The following CACNB2 variants were observed in gnomAD, a reference collection of about 807,000 sequenced individuals.
CACNB2 encodes voltage-dependent L-type calcium channel subunit beta-2.
A neutral mutation model predicts 73.3 loss-of-function variants in CACNB2; 42 were observed. The observed-to-expected ratio is 0.57, with a 90% CI of 0.45 to 0.74. The LOEUF (loss-of-function observed/expected upper bound fraction) is 0.74. Among genes scored for constraint, CACNB2 ranks in the 30% least tolerant of loss-of-function variants. The pLI, the probability that CACNB2 is intolerant of heterozygous loss-of-function variation, is 0.00. For synonymous variants in CACNB2, 348 were observed against 310.3 expected (o/e 1.12, Z -1.28); for missense variants, 940 against 853.0 (o/e 1.10, Z -1.27).
chr10:18,412,442 A>G (rs1465774769), intron 3 of CACNB2, among the ~76,000 whole-genome samples: 1 of 151,888 alleles, frequency 6.6e-6, no homozygotes, highest in Non-Finnish European at 1.5e-5. Flanking sequence ...TGCCAACCTT[A>G]TCACCCCAGG....
chr10:18,449,543 C>T (rs1000005939), intron 3 of CACNB2, among the ~76,000 whole-genome samples: 7 of 152,206 alleles, frequency 4.6e-5, no homozygotes, highest in Non-Finnish European at 7.3e-5. Context: ...TAGATACTTA[C>T]ATCGTGCTCT....
At chr10:18,208,200 C>T (rs1023226993) in intron 2 of CACNB2, among the ~76,000 whole-genome samples, 1 of 152,284 alleles carries the variant, frequency 6.6e-6, no homozygotes. Flanking sequence ...GACACAGTGG[C>T]TCATGCCTGT....
chr10:18,300,441 A>G (rs1264317346), intron 2 of CACNB2, among the ~76,000 whole-genome samples: 1 of 152,264 alleles, frequency 6.6e-6, no homozygotes, highest in Non-Finnish European at 1.5e-5. Flanking sequence ...AGTAAGTCTT[A>G]TCAGCAAAAG....
At chr10:18,491,819 T>TAAAAAAAAAAAAAAAAAAAAAAAAAAA (rs68179779) in intron 3 of CACNB2, among the ~76,000 whole-genome samples, 1 of 65,594 alleles carries the variant, frequency 1.5e-5, no homozygotes, top group African/African-American at 5.0e-5. Flanking sequence ...TCAAGTTGGT[T>TAAAAAAAAAAAAAAAAAAAAAAAAAAA]AAAAAAAAAA....
chr10:18,276,711 T>C (rs1237034980), intron 2 of CACNB2, among the ~76,000 whole-genome samples: 1 of 152,178 alleles, frequency 6.6e-6, no homozygotes, highest in Admixed American at 6.5e-5. Flanking sequence ...CCCAAGTAGC[T>C]GGGATTATAG....
chr10:18,309,837 T>A, intron 2 of CACNB2, among the ~76,000 whole-genome samples: 1 of 152,164 alleles, frequency 6.6e-6, no homozygotes, highest in East Asian at 1.9e-4. Flanking sequence ...CACCTGAGAA[T>A]GAGGAAGGTG....
rs1283303130 is a variant in CACNB2, at chr10:18,402,193, C to T, written c.333+150C>T. 5.8e-6 allele frequency: 5 copies of T among 863,486 alleles called. No homozygotes were observed. In the East Asian group the frequency reaches 1.3e-4, roughly 22 times the overall value. 53.5% of individuals were successfully genotyped at this position (863,486 alleles called of 1,614,324 possible). A position where few individuals can be genotyped will look rare whatever the true frequency, so the allele number is the denominator to read the frequency against. On this transcript the variant is annotated intron_variant, in intron 3 of 13. Transcript: ENST00000324631. ...AGGTACAAAAAATGGAGCCTAGTTTCTTCCCTTGGTAGAAAAAGGAAGTGT... is the reference window on the plus strand; with the variant it reads ...AGGTACAAAAAATGGAGCCTAGTTTTTTCCCTTGGTAGAAAAAGGAAGTGT...
chr10:18,463,836 A>G (rs975362724), intron 3 of CACNB2, among the ~76,000 whole-genome samples: 3 of 151,860 alleles, frequency 2.0e-5, no homozygotes, highest in Non-Finnish European at 2.9e-5. Context: ...TCAGAGCCCA[A>G]AACACCACAT....
chr10:18,519,004 G>A (rs752376472), intron 9 of CACNB2, 36 bp downstream of exon 9: 1 of 1,596,956 alleles, frequency 6.3e-7, no homozygotes, highest in Non-Finnish European at 8.6e-7. Flanking sequence ...TGTGGATTTT[G>A]TCTTAAAGAT....
intron 2 of CACNB2, among the ~76,000 whole-genome samples, chr10:18,248,990 A>G (rs926247201): frequency 1.3e-5 from 2 of 152,060 alleles, no homozygotes; most frequent in Non-Finnish European, 2.9e-5. Flanking sequence ...CCTGCACTCA[A>G]TTCTACCTGT....
chr10:18,493,156 C>A (rs570980429), intron 3 of CACNB2, among the ~76,000 whole-genome samples: 38 of 152,198 alleles, frequency 2.5e-4, no homozygotes, highest in African/African-American at 8.9e-4. Flanking sequence ...TGCAGTTATG[C>A]GCAAATAGTA....
intron 2 of CACNB2, among the ~76,000 whole-genome samples, chr10:18,284,602 C>G (rs745962935): frequency 6.6e-6 from 1 of 152,294 alleles, no homozygotes; most frequent in African/African-American, 2.4e-5. Flanking sequence ...TCCCCAGAAA[C>G]TAGTCACAGA....
chr10:18,162,718 A>C (rs964094354), intron 2 of CACNB2, among the ~76,000 whole-genome samples: 3 of 152,252 alleles, frequency 2.0e-5, no homozygotes, highest in Non-Finnish European at 2.9e-5. Flanking sequence ...CTAGGGAATT[A>C]GTAAACCAAG....
chr10:18,530,873 A>G (rs146703762), intron 10 of CACNB2, among the ~76,000 whole-genome samples: 1 of 152,296 alleles, frequency 6.6e-6, no homozygotes, highest in African/African-American at 2.4e-5. Context: ...CACTGGCCAT[A>G]AAGCTCTATG....
chr10:18,195,419 G>C (rs1322749892), intron 2 of CACNB2, among the ~76,000 whole-genome samples: 1 of 152,146 alleles, frequency 6.6e-6, no homozygotes, highest in African/African-American at 2.4e-5. Flanking sequence ...GATCTCTCAG[G>C]GGGTATCAAG....
intron 2 of CACNB2, among the ~76,000 whole-genome samples, chr10:18,347,199 T>C (rs757573812): frequency 6.6e-6 from 1 of 151,828 alleles, no homozygotes; most frequent in Non-Finnish European, 1.5e-5. Context: ...AGACGGAGTT[T>C]CTCTCTGTTA....
At chr10:18,328,838 G>T (rs1199273166) in intron 2 of CACNB2, among the ~76,000 whole-genome samples, 1 of 152,200 alleles carries the variant, frequency 6.6e-6, no homozygotes, top group Non-Finnish European at 1.5e-5. Context: ...AACTGTATAT[G>T]ATTTCACTGG....
Position 18,407,109 on chromosome 10 carries a change from CTTTTTTTTTTTTTT to C in CACNB2, c.333+5084_333+5097del, listed in dbSNP as rs71507267. Among the ~76,000 whole-genome samples the C allele has an allele frequency of 1.0e-3, 37 of 35,614 alleles. 1 individual carries two copies. Among genetic ancestry groups the C allele is most frequent in the South Asian group, 1.9e-3 (1 of 520 alleles). 23.4% of individuals were successfully genotyped at this position (35,614 alleles called of 152,430 possible). A position where few individuals can be genotyped will look rare whatever the true frequency, so the allele number is the denominator to read the frequency against. On this transcript the variant is annotated intron_variant, in intron 3 of 13. Transcript: ENST00000324631. ...CTAAAGTCCAGACCTGCTGTTCTGTCTTTTTTTTTTTTTTTTTTTTTTTTTTTTTTTGAGACAGG... is the reference window on the plus strand; with the variant it reads ...CTAAAGTCCAGACCTGCTGTTCTGTCTTTTTTTTTTTTTTTTTGAGACAGG...
chr10:18,464,442 A>T (rs557003276), intron 3 of CACNB2, among the ~76,000 whole-genome samples: 17 of 146,392 alleles, frequency 1.2e-4, no homozygotes, highest in Admixed American at 8.2e-4. Context: ...AAAAAAAAAG[A>T]ATTTGGCTCT....
Sources: allele counts gnomAD v4.1 joint callset (sites outside exome capture counted in the v4.1 genomes callset), GRCh38; gene constraint gnomAD v4.1.1; transcripts MANE v1.5; gene names NCBI Gene and HGNC (gene_info 2026-07-23, HGNC 2026-07-21).